The following SNX29 variants were observed in gnomAD, a reference collection of about 807,000 sequenced individuals.
SNX29 encodes sorting nexin 29, also known as sorting nexin-29.
A neutral mutation model predicts 102.1 loss-of-function variants in SNX29; 78 were observed. The ratio of observed to expected loss-of-function variants is 0.76; its 90% CI spans 0.64 to 0.92. The LOEUF is 0.92. Ranked by LOEUF, SNX29 falls within the 40% of genes least tolerant of loss-of-function variation. The pLI is 0.00. For missense variants in SNX29, 1,280 were observed against 1,061.7 expected (o/e 1.21, Z -2.86); for synonymous variants, 580 against 414.5 (o/e 1.40, Z -4.85).
chr16:12,549,924 C>A (rs990249345), intron 20 of SNX29, among the ~76,000 whole-genome samples: 3 of 152,206 alleles, frequency 2.0e-5, no homozygotes, highest in Admixed American at 1.3e-4. Flanking sequence ...CCAAATCTTA[C>A]CCTCCACCTG....
At chr16:12,429,240 T>C (rs183872144) in intron 18 of SNX29, among the ~76,000 whole-genome samples, 63 of 152,256 alleles carry the variant, frequency 4.1e-4, no homozygotes, top group African/African-American at 8.7e-4. Flanking sequence ...CACACAGATA[T>C]GATTACAATT....
chr16:12,493,041 T>C (rs1442590158), intron 19 of SNX29, among the ~76,000 whole-genome samples: 3 of 152,230 alleles, frequency 2.0e-5, no homozygotes, highest in East Asian at 3.8e-4. Flanking sequence ...ATATGAACTT[T>C]AAAGTAGTTT....
intron 20 of SNX29, among the ~76,000 whole-genome samples, chr16:12,558,099 G>A (rs576466286): frequency 6.6e-6 from 1 of 152,160 alleles, no homozygotes; most frequent in South Asian, 2.1e-4. Flanking sequence ...GTGGGGACGG[G>A]GCAACTGAGA....
intron 14 of SNX29, among the ~76,000 whole-genome samples, chr16:12,266,709 C>T (rs908704127): frequency 9.1e-6 from 1 of 110,020 alleles, no homozygotes; most frequent in African/African-American, 3.6e-5. Context: ...AAAAGAATAT[C>T]CCACTCAGAC....
chr16:12,534,132 C>A (rs553275634), intron 20 of SNX29, among the ~76,000 whole-genome samples: 11 of 152,216 alleles, frequency 7.2e-5, no homozygotes, highest in Admixed American at 6.5e-4. Context: ...CAGGACAGCT[C>A]CAACACCAGG....
At chr16:12,528,223 A>G (rs1345251484) in intron 20 of SNX29, among the ~76,000 whole-genome samples, 2 of 152,060 alleles carry the variant, frequency 1.3e-5, no homozygotes, top group Non-Finnish European at 2.9e-5. Context: ...ATTTTGAGAC[A>G]AGTTCTCACT....
At chr16:12,405,224 G>C (rs1178872583) in intron 18 of SNX29, among the ~76,000 whole-genome samples, 1 of 152,222 alleles carries the variant, frequency 6.6e-6, no homozygotes, top group Non-Finnish European at 1.5e-5. Context: ...GTTATCACTT[G>C]AGAGGTTTCC....
intron 16 of SNX29, among the ~76,000 whole-genome samples, chr16:12,380,916 C>T (rs1480860513): frequency 2.6e-5 from 3 of 116,462 alleles, no homozygotes; most frequent in Non-Finnish European, 3.6e-5. Flanking sequence ...TCCATCCATC[C>T]ACCCACCATC....
intron 15 of SNX29, among the ~76,000 whole-genome samples, chr16:12,332,294 C>T (rs1339158925): frequency 6.6e-6 from 1 of 152,120 alleles, no homozygotes; most frequent in Non-Finnish European, 1.5e-5. Context: ...AAGTGCGTGT[C>T]TTCAGCTCGT....
At chr16:12,230,023 G>T (rs557800180) in intron 14 of SNX29, among the ~76,000 whole-genome samples, 1 of 152,230 alleles carries the variant, frequency 6.6e-6, no homozygotes, top group East Asian at 1.9e-4. Flanking sequence ...TGTAGCAGCC[G>T]CAGACATTGT....
At position 12,570,223 on chromosome 16, in the gene SNX29, G is replaced by C. The variant is rs959465542; in HGVS notation, c.*1594G>C. 6 of 1,065,102 alleles carry C rather than the reference G, an allele frequency of 5.6e-6. No individual in the cohort carries two copies. The African/African-American group carries it at 8.2e-5, about 15-fold the overall frequency. The allele number at this position is 1,065,102 out of a possible 1,614,324, so 66.0% of individuals were successfully genotyped here. A position where few individuals can be genotyped will look rare whatever the true frequency, so the allele number is the denominator to read the frequency against. On this transcript the variant is annotated 3_prime_UTR_variant, in exon 21 of 21. Transcript: ENST00000566228. ...TCCAAGGGGACCTGGGGCCAGATAA[G>C]CCCTGCCCCGGTGAGACCAAATGAG...
chr16:12,397,660 T>G (rs2083768995), intron 16 of SNX29, among the ~76,000 whole-genome samples: 1 of 152,234 alleles, frequency 6.6e-6, no homozygotes, highest in Admixed American at 6.5e-5. Flanking sequence ...TCCCTGGGTA[T>G]GAGAAAAATA....
chr16:12,557,954 G>C (rs560760229), intron 20 of SNX29, among the ~76,000 whole-genome samples: 1 of 152,096 alleles, frequency 6.6e-6, no homozygotes, highest in African/African-American at 2.4e-5. Flanking sequence ...CGCTTGCCCT[G>C]TCTTCCTGTG....
chr16:12,010,903 G>A (rs534335578), intron 3 of SNX29, among the ~76,000 whole-genome samples: 4 of 152,222 alleles, frequency 2.6e-5, no homozygotes, highest in South Asian at 4.1e-4. Context: ...CTTACGAAAC[G>A]GAATGGCTTT....
At chr16:12,402,250 A>T (rs1490138036) in intron 17 of SNX29, among the ~76,000 whole-genome samples, 2 of 152,310 alleles carry the variant, frequency 1.3e-5, no homozygotes, top group East Asian at 3.9e-4. Context: ...TTCAGGAGAG[A>T]CCCATTACCT....
intron 13 of SNX29, among the ~76,000 whole-genome samples, chr16:12,168,817 C>T (rs1284296052): frequency 1.3e-5 from 2 of 152,216 alleles, no homozygotes; most frequent in Non-Finnish European, 2.9e-5. Flanking sequence ...AGAGCTCCTT[C>T]AGGAGAAAAG....
rs75544788 is a variant in SNX29 at position 12,189,790 on chromosome 16, C to T, written c.1596-9811C>T. Reference sequence around the variant, plus strand: ...GATGCCCGGATCGTCTCAGAGCGTCCGAGCATCAAAACAGTGATAATAATG... The same window carrying T: ...GATGCCCGGATCGTCTCAGAGCGTCTGAGCATCAAAACAGTGATAATAATG... On this transcript the variant is annotated intron_variant, in intron 13 of 20. Transcript: ENST00000566228. 6.9e-3 allele frequency among the ~76,000 whole-genome samples: 1,044 copies of T among 151,914 alleles called. 10 individuals are homozygous for T. Among genetic ancestry groups the T allele is most frequent in the African/African-American group, 0.024 (1,002 of 41,422 alleles).
At chr16:12,062,393 T>TAA (rs547181531) in intron 9 of SNX29, among the ~76,000 whole-genome samples, 1 of 150,324 alleles carries the variant, frequency 6.7e-6, no homozygotes, top group African/African-American at 2.4e-5. Context: ...AATAAATAAA[T>TAA]AAATAAATAA....
At chr16:12,282,265 A>C (rs77047727) in intron 15 of SNX29, among the ~76,000 whole-genome samples, 5,872 of 152,142 alleles carry the variant, frequency 0.039, 194 homozygotes, top group African/African-American at 0.083. Flanking sequence ...GCAGGACACA[A>C]GGGGGAAAAC....
Sources: gnomAD v4.1 joint callset for allele counts (sites outside exome capture counted in the v4.1 genomes callset) on GRCh38, gnomAD v4.1.1 for gene constraint, MANE v1.5 for transcripts, NCBI Gene and HGNC (gene_info 2026-07-23, HGNC 2026-07-21) for gene names.